YWHAE: variants seen among roughly 807,000 people sequenced by gnomAD.
YWHAE encodes 14-3-3 protein epsilon.
YWHAE carries 4 observed loss-of-function variants against 30.1 expected under a neutral mutation model. The observed-to-expected ratio is 0.13, with a 90% CI of 0.07 to 0.30. YWHAE has a LOEUF of 0.30. Among genes scored for constraint, YWHAE ranks in the 10% least tolerant of loss-of-function variants. The pLI is 1.00. For missense variants in YWHAE, 121 were observed against 315.9 expected (o/e 0.38, Z 4.68); for synonymous variants, 118 against 111.8 (o/e 1.06, Z -0.35).
intron 1 of YWHAE, among the ~76,000 whole-genome samples, chr17:1,390,149 T>A (rs569577965): frequency 6.6e-6 from 1 of 152,154 alleles, no homozygotes. Flanking sequence ...CAGCCTACAT[T>A]TTCATATTAC....
chr17:1,374,341 C>T (rs996631282), intron 1 of YWHAE, among the ~76,000 whole-genome samples: 1 of 151,578 alleles, frequency 6.6e-6, no homozygotes, highest in Non-Finnish European at 1.5e-5. Flanking sequence ...AAAATCCATT[C>T]GTTAGTTAAT....
intron 2 of YWHAE, among the ~76,000 whole-genome samples, chr17:1,363,833 TC>T (rs1222715251): frequency 6.6e-6 from 1 of 151,588 alleles, no homozygotes. Flanking sequence ...CCCTGTTCTT[TC>T]CTGTATTTAC....
Position 1,365,011 on chromosome 17 carries a change from T to C in YWHAE, c.112A>G (p.Thr38Ala), listed in dbSNP as rs913551445. The change falls in exon 2 of 6, where the codon ACA becomes GCA. Residue 38 changes from threonine (T) to alanine (A), a missense_variant. Around this residue, in one of 2 missense-constraint regions of YWHAE, gnomAD observed 99 missense variants for 289.3 expected, o/e 0.34. Transcript: ENST00000264335. ...GATAGGAGGTTTCTTTCTTCAACTG[T>C]CAGCTCCACATCCATCCCTGCTACT... ...KKVAGMDVEL[T>A]VEERNLLSVA... 1 of 1,614,148 alleles carries C rather than the reference T, an allele frequency of 6.2e-7. No individual in the cohort carries two copies. Among genetic ancestry groups the C allele is most frequent in the Non-Finnish European group, 8.5e-7 (1 of 1,180,014 alleles).
At chr17:1,393,079 G>A (rs1240980798) in intron 1 of YWHAE, among the ~76,000 whole-genome samples, 3 of 151,022 alleles carry the variant, frequency 2.0e-5, no homozygotes, top group East Asian at 1.9e-4. Flanking sequence ...GGTGGATCGC[G>A]CCACTGTACT....
intron 4 of YWHAE, among the ~76,000 whole-genome samples, chr17:1,358,461 G>C (rs60723191): frequency 2.6e-5 from 4 of 151,874 alleles, no homozygotes; most frequent in South Asian, 4.2e-4. Context: ...CGATGGTCTC[G>C]ATCTCCTGAC....
intron 2 of YWHAE, among the ~76,000 whole-genome samples, chr17:1,364,376 G>A (rs866092177): frequency 2.6e-5 from 4 of 151,904 alleles, no homozygotes; most frequent in East Asian, 1.9e-4. Context: ...ACAGGCTCCC[G>A]CCACCACGCC....
chr17:1,348,057 T>C, intron 5 of YWHAE: 1 of 939,822 alleles, frequency 1.1e-6, no homozygotes, highest in South Asian at 5.0e-5. Flanking sequence ...GAAAGCAACA[T>C]TACAAGAAAA....
intron 5 of YWHAE, among the ~76,000 whole-genome samples, chr17:1,353,571 TGACC>T (rs912290190): frequency 6.6e-6 from 1 of 152,072 alleles, no homozygotes; most frequent in Non-Finnish European, 1.5e-5. Flanking sequence ...AAGACCAGCC[TGACC>T]AACATGGAGA....
chr17:1,378,144 T>C (rs2073151957), intron 1 of YWHAE, among the ~76,000 whole-genome samples: 1 of 152,224 alleles, frequency 6.6e-6, no homozygotes, highest in Non-Finnish European at 1.5e-5. Context: ...CTAAGAAATT[T>C]ACCTTGCGGA....
chr17:1,356,705 T>C (rs921609330), intron 4 of YWHAE, among the ~76,000 whole-genome samples: 1 of 151,720 alleles, frequency 6.6e-6, no homozygotes, highest in Non-Finnish European at 1.5e-5. Context: ...ACGCCTGTAA[T>C]CCCAGCACTC....
rs370374357 is a variant in YWHAE, at chr17:1,365,089, C to T, written c.65-31G>A. The T allele has an allele frequency of 3.8e-6, 6 of 1,598,168 alleles. No individual in the cohort carries two copies. In the African/African-American group the frequency reaches 6.8e-5, roughly 18 times the overall value. On this transcript the variant is annotated intron_variant, in intron 1 of 5. Coordinates refer to ENST00000264335, the MANE Select transcript of YWHAE (RefSeq NM_006761.5). Reference sequence around the variant, plus strand: ...TGGGAAAAGGAAAAGTCAGACCTTACAAATTTGAAGTTTTCTTAACATATT... The same window carrying T: ...TGGGAAAAGGAAAAGTCAGACCTTATAAATTTGAAGTTTTCTTAACATATT...
chr17:1,369,857 T>C (rs1427864404), intron 1 of YWHAE: 2 of 143,724 alleles, frequency 1.4e-5, no homozygotes, highest in Non-Finnish European at 3.0e-5. Context: ...CAGCATTATG[T>C]CTAAACTGTA....
intron 1 of YWHAE, among the ~76,000 whole-genome samples, chr17:1,381,170 G>T (rs2073199970): frequency 6.6e-6 from 1 of 152,138 alleles, no homozygotes; most frequent in South Asian, 2.1e-4. Context: ...TTGAGGTCAG[G>T]AGTTACAGAC....
intron 1 of YWHAE, among the ~76,000 whole-genome samples, chr17:1,394,436 CAAAAAAAAAAAAAAAA>C (rs544115909): frequency 5.1e-5 from 3 of 58,562 alleles, no homozygotes; most frequent in African/African-American, 2.6e-4. Flanking sequence ...CTCAAATCCA[CAAAAAAAAAAAAAAAA>C]AAAAAAAAAC....
At chr17:1,379,588 G>GT (rs1407584672) in intron 1 of YWHAE, among the ~76,000 whole-genome samples, 1 of 152,184 alleles carries the variant, frequency 6.6e-6, no homozygotes, top group African/African-American at 2.4e-5. Context: ...ATCTAAGAAT[G>GT]TAACAAAATG....
At chr17:1,367,424 G>A (rs2072961858) in intron 1 of YWHAE, among the ~76,000 whole-genome samples, 1 of 152,140 alleles carries the variant, frequency 6.6e-6, no homozygotes, top group South Asian at 2.1e-4. Context: ...GCAACATGGT[G>A]AGACTCTGCC....
intron 4 of YWHAE, among the ~76,000 whole-genome samples, chr17:1,359,922 G>T (rs183091248): frequency 1.5e-5 from 1 of 65,234 alleles, no homozygotes; most frequent in Non-Finnish European, 2.8e-5. Context: ...AGACGGGGAG[G>T]GGGAGGGGGG....
At chr17:1,361,383 A>G (rs2072862916) in intron 3 of YWHAE, 85 bp from the exon 4 acceptor site, 2 of 1,131,128 alleles carry the variant, frequency 1.8e-6, no homozygotes, top group East Asian at 2.6e-5. Flanking sequence ...ATTGTTCTAT[A>G]TTATATAAAA....
rs1382033317 is a variant in YWHAE at position 1,361,106 on chromosome 17, A to G, written c.564T>C (p.Pro188=). 2 of 1,614,098 alleles carry G rather than the reference A, an allele frequency of 1.2e-6. No individual in the cohort carries two copies. Among genetic ancestry groups the G allele is most frequent in the Admixed American group, 1.7e-5 (1 of 60,006 alleles). Reference sequence around the variant, plus strand: ...CCACAACTTACCTGCAGGCACGGTCAGGGGAATTAAGAATTTCGTAGTAGA... The same window carrying G: ...CCACAACTTACCTGCAGGCACGGTCGGGGGAATTAAGAATTTCGTAGTAGA... The part of the protein sequence containing the change: ...SVFYYEILNS[P]DRACRLAKAA... Residue 188 remains proline (P), a synonymous_variant, in exon 4 of 6, where the codon CCT becomes CCC. Transcript: ENST00000264335.
Sources: allele counts gnomAD v4.1 joint callset (sites outside exome capture counted in the v4.1 genomes callset), GRCh38; gene constraint gnomAD v4.1.1; regional missense constraint gnomAD v4.1.1; transcripts MANE v1.5; gene names NCBI Gene and HGNC (gene_info 2026-07-23, HGNC 2026-07-21).